Variants in LDLRAD3 observed in about 807,000 individuals in gnomAD.
The protein encoded by LDLRAD3 is low density lipoprotein receptor class A domain containing 3, also known as low-density lipoprotein receptor class A domain-containing protein 3.
A neutral mutation model predicts 29.4 loss-of-function variants in LDLRAD3; 20 were observed. The ratio of observed to expected loss-of-function variants is 0.68; its 90% confidence interval spans 0.48 to 0.99. The LOEUF is 0.99. Among genes scored for constraint, LDLRAD3 ranks in the 50% least tolerant of loss-of-function variants. LDLRAD3 has a pLI of 0.00. For missense variants in LDLRAD3, 420 were observed against 454.3 expected (o/e 0.92, Z 0.69); for synonymous variants, 157 against 192.7 (o/e 0.81, Z 1.53).
intron 3 of LDLRAD3, among the ~76,000 whole-genome samples, chr11:36,096,596 C>T (rs779033791): frequency 1.4e-4 from 21 of 152,218 alleles, no homozygotes; most frequent in Admixed American, 3.9e-4. Flanking sequence ...GCCTGTGCTA[C>T]ATGTCAGACT....
rs2036254 is a variant in LDLRAD3 at position 36,068,279 on chromosome 11, A to G, written c.194-13374A>G. ...GGACTAGCCGTCTATGTGTAAAGCA[A>G]TTTGTAGAACCATGAACTATGTTAG... On this transcript the variant is annotated intron_variant, in intron 2 of 5. Transcript: ENST00000315571. 7.7e-3 allele frequency among the ~76,000 whole-genome samples: 1,175 copies of G among 152,296 alleles called. 49 individuals carry two copies. The highest frequency in any genetic ancestry group is 0.071 in the Admixed American group (1,083 of 15,304).
At chr11:36,098,692 A>G (rs1432987847) in intron 4 of LDLRAD3, among the ~76,000 whole-genome samples, 1 of 152,210 alleles carries the variant, frequency 6.6e-6, no homozygotes, top group Non-Finnish European at 1.5e-5. Flanking sequence ...AATATCATCT[A>G]TACATTTCTC....
chr11:36,064,510 G>A (rs1012591627), intron 2 of LDLRAD3, among the ~76,000 whole-genome samples: 2 of 147,282 alleles, frequency 1.4e-5, no homozygotes, highest in Non-Finnish European at 3.0e-5. Context: ...TGTAGAGATG[G>A]GGTTTTGCCA....
At chr11:36,196,903 C>T (rs866612265) in intron 4 of LDLRAD3, 15 of 152,188 alleles carry the variant, frequency 9.9e-5, no homozygotes, top group African/African-American at 3.6e-4. Context: ...TCTCTAGGAC[C>T]TGGCTCTCTT....
chr11:36,212,861 T>C (rs1484742699), intron 4 of LDLRAD3, among the ~76,000 whole-genome samples: 1 of 152,204 alleles, frequency 6.6e-6, no homozygotes, highest in East Asian at 1.9e-4. Flanking sequence ...TAGCACTTAT[T>C]GAAAGGATGG....
intron 1 of LDLRAD3, among the ~76,000 whole-genome samples, chr11:35,996,326 G>C (rs766502103): frequency 7.2e-5 from 11 of 152,164 alleles, no homozygotes; most frequent in Non-Finnish European, 1.5e-4. Context: ...CGGCCTGATG[G>C]TGGGGTAGTA....
Position 35,947,646 on chromosome 11 carries a change from ACT to A in LDLRAD3, c.46+3503_46+3504del, listed in dbSNP as rs1403708619. Among the ~76,000 whole-genome samples, 3 of 152,212 alleles carry A rather than the reference ACT, an allele frequency of 2.0e-5. No individual in the cohort carries two copies. In the East Asian group the frequency reaches 5.8e-4, roughly 29 times the overall value. ...ACTTTAAGCACATGATCCCATTGAA[ACT>A]TGCCAAGGATATCATGTGGCAGGAA... On this transcript the variant is annotated intron_variant, in intron 1 of 5. Coordinates refer to ENST00000315571, the MANE Select transcript of LDLRAD3 (RefSeq NM_174902.4).
intron 3 of LDLRAD3, among the ~76,000 whole-genome samples, chr11:36,096,396 T>A (rs553897007): frequency 1.3e-5 from 2 of 152,110 alleles, no homozygotes; most frequent in African/African-American, 2.4e-5. Context: ...AACATAGCAA[T>A]CTTCTGTGCT....
At chr11:36,188,166 G>A (rs528625723) in intron 4 of LDLRAD3, among the ~76,000 whole-genome samples, 12 of 152,052 alleles carry the variant, frequency 7.9e-5, no homozygotes, top group East Asian at 1.9e-4. Context: ...CACAGGGCAC[G>A]CAGAATTCCA....
chr11:36,202,886 G>T (rs943281810), intron 4 of LDLRAD3, among the ~76,000 whole-genome samples: 19 of 152,136 alleles, frequency 1.2e-4, no homozygotes, highest in African/African-American at 4.6e-4. Flanking sequence ...AATATTTAAT[G>T]ACCCCTTAGA....
chr11:36,036,190 G>A lies in LDLRAD3; in HGVS notation c.134G>A (p.Gly45Asp). 3 of 1,614,188 alleles carry A rather than the reference G, an allele frequency of 1.9e-6. No individual in the cohort carries two copies. The highest frequency in any genetic ancestry group is 2.5e-6 in the Non-Finnish European group (3 of 1,180,034). The change falls in exon 2 of 6, where the codon GGC (glycine) becomes GAC (aspartate). Residue 45 changes from glycine (G) to aspartate (D), a missense_variant. This residue lies in a region of LDLRAD3 where 224 missense variants were observed against 222.2 expected (regional missense o/e 1.01). Transcript: ENST00000315571. ...TGCAGCAATGGACGGTGCATCCCGG[G>A]CGCCTGGCAGTGTGACGGGCTGCCT... is the stretch of plus-strand genomic sequence containing the variant. ...FMCSNGRCIP[G>D]AWQCDGLPDC...
At chr11:36,091,511 G>A (rs1007928170) in intron 3 of LDLRAD3, among the ~76,000 whole-genome samples, 1 of 152,050 alleles carries the variant, frequency 6.6e-6, no homozygotes, top group Non-Finnish European at 1.5e-5. Context: ...CTGCCAGAGA[G>A]AGAGACAAGT....
chr11:36,126,172 C>T (rs1049503394), intron 4 of LDLRAD3, among the ~76,000 whole-genome samples: 3 of 152,174 alleles, frequency 2.0e-5, no homozygotes, highest in African/African-American at 7.2e-5. Context: ...CCCACCACTG[C>T]TCCCGATGCC....
chr11:36,131,574 A>G (rs1180788901), intron 4 of LDLRAD3, among the ~76,000 whole-genome samples: 1 of 152,182 alleles, frequency 6.6e-6, no homozygotes, highest in Non-Finnish European at 1.5e-5. Context: ...ATTATTGGGG[A>G]TGCTTTGCCT....
chr11:36,087,075 A>G (rs1244476472), intron 3 of LDLRAD3, among the ~76,000 whole-genome samples: 1 of 152,212 alleles, frequency 6.6e-6, no homozygotes, highest in Non-Finnish European at 1.5e-5. Context: ...CAGGGAGGCA[A>G]ACTTTTAGAT....
At chr11:36,142,533 G>A (rs548344837) in intron 4 of LDLRAD3, among the ~76,000 whole-genome samples, 1 of 152,322 alleles carries the variant, frequency 6.6e-6, no homozygotes, top group Non-Finnish European at 1.5e-5. Context: ...CTGAGTGGAA[G>A]AGGATTCGGT....
intron 2 of LDLRAD3, among the ~76,000 whole-genome samples, chr11:36,062,449 A>G (rs1852715694): frequency 6.6e-6 from 1 of 152,132 alleles, no homozygotes; most frequent in African/African-American, 2.4e-5. Flanking sequence ...TGACACGACG[A>G]TTATTGCCAA....
At chr11:36,209,981 G>A (rs1855262409) in intron 4 of LDLRAD3, among the ~76,000 whole-genome samples, 1 of 152,222 alleles carries the variant, frequency 6.6e-6, no homozygotes, top group East Asian at 1.9e-4. Context: ...CTAGGAGAGA[G>A]ATACATGAAA....
At chr11:36,155,799 A>G (rs72935547) in intron 4 of LDLRAD3, among the ~76,000 whole-genome samples, 236 of 152,206 alleles carry the variant, frequency 1.6e-3, no homozygotes, top group Non-Finnish European at 2.5e-3. Flanking sequence ...ATTTTTTTCA[A>G]TGGAAACTAG....
Sources: gnomAD v4.1 joint callset for allele counts (sites outside exome capture counted in the v4.1 genomes callset) on GRCh38, gnomAD v4.1.1 for gene constraint, gnomAD v4.1.1 regional missense constraint, MANE v1.5 for transcripts, NCBI Gene and HGNC (gene_info 2026-07-23, HGNC 2026-07-21) for gene names.